Variants in RIC1 observed in about 807,000 individuals in gnomAD.
RIC1 encodes RIC1 partner of RAB6A GEF complex.
A neutral mutation model predicts 169.0 loss-of-function variants in RIC1; 88 were observed. The observed-to-expected ratio is 0.52, with a 90% CI of 0.44 to 0.62. The LOEUF (loss-of-function observed/expected upper bound fraction) is 0.62, where lower values mean the gene tolerates loss of function less well. Among genes scored for constraint, RIC1 ranks in the 20% least tolerant of loss-of-function variants. The probability of loss-of-function intolerance (pLI) is 0.00; values close to 1 mark genes in which losing one functional copy is unlikely to be tolerated. For missense variants in RIC1, 1,877 were observed against 1,725.5 expected (o/e 1.09, Z -1.56); for synonymous variants, 790 against 601.5 (o/e 1.31, Z -4.59).
chr9:5,749,382 A>C (rs1433754502), intron 12 of RIC1, among the ~76,000 whole-genome samples: 1 of 152,170 alleles, frequency 6.6e-6, no homozygotes, highest in African/African-American at 2.4e-5. Context: ...ATATAATGCT[A>C]AACTTTTACG....
chr9:5,687,914 G>GT (rs1036631310), intron 2 of RIC1, among the ~76,000 whole-genome samples: 33 of 151,536 alleles, frequency 2.2e-4, no homozygotes, highest in Middle Eastern at 3.4e-3. Context: ...TTTATTTTGG[G>GT]TTTTTTTGTG....
rs1347451465 is a variant in RIC1 at position 5,655,176 on chromosome 9, G to A, written c.145-1407G>A. The stretch of plus-strand genomic sequence containing the variant: ...CCTTGTTCCTGATCTTAGCAGGAAA[G>A]CGTTGAGCTGTAGGTTTCTCATAGA... On this transcript the variant is annotated intron_variant, in intron 1 of 25. Transcript: ENST00000414202. Among the ~76,000 whole-genome samples the A allele has an allele frequency of 4.7e-4, 72 of 152,312 alleles. 1 individual carries two copies. Among genetic ancestry groups the A allele is most frequent in the Admixed American group, 4.6e-3 (71 of 15,304 alleles).
chr9:5,759,490 TAA>T (rs770944241), intron 17 of RIC1, among the ~76,000 whole-genome samples: 15 of 152,188 alleles, frequency 9.9e-5, no homozygotes, highest in Admixed American at 2.0e-4. Flanking sequence ...ATGCAGTGGT[TAA>T]AAGTCATTTG....
In RIC1 at chr9:5,776,437, C is replaced by G. The variant is rs1827590990; in HGVS notation, c.*2191C>G. The G allele has an allele frequency of 6.6e-6, 1 of 151,594 alleles. No homozygotes were observed. The highest frequency in any genetic ancestry group is 1.5e-5 in the Non-Finnish European group (1 of 67,874). 9.4% of individuals were successfully genotyped at this position (151,594 alleles called of 1,614,324 possible). On this transcript the variant is annotated 3_prime_UTR_variant, in exon 26 of 26. Coordinates refer to ENST00000414202, the MANE Select transcript of RIC1 (RefSeq NM_020829.4). Reference sequence around the variant, plus strand: ...TTATTAATAAATTATTTGCTGAAACCAAAACAAGTCATTGGGGGTGTGGGA... The same window carrying G: ...TTATTAATAAATTATTTGCTGAAACGAAAACAAGTCATTGGGGGTGTGGGA...
chr9:5,648,144 G>T (rs559068305), intron 1 of RIC1, among the ~76,000 whole-genome samples: 4 of 152,000 alleles, frequency 2.6e-5, no homozygotes, highest in African/African-American at 9.7e-5. Context: ...CACCATACCC[G>T]ACTAATTTCT....
intron 1 of RIC1, among the ~76,000 whole-genome samples, chr9:5,648,034 G>A (rs1818617838): frequency 6.6e-6 from 1 of 151,866 alleles, no homozygotes; most frequent in Non-Finnish European, 1.5e-5. Context: ...CCAGGCCGGA[G>A]TGCAATGGTG....
chr9:5,703,359 A>G (rs1822354842), intron 3 of RIC1, among the ~76,000 whole-genome samples: 1 of 152,214 alleles, frequency 6.6e-6, no homozygotes, highest in Admixed American at 6.5e-5. Context: ...CTTTGACTCC[A>G]TGTCTCACAT....
intron 3 of RIC1, among the ~76,000 whole-genome samples, chr9:5,692,919 A>C (rs1821670091): frequency 6.6e-6 from 1 of 152,090 alleles, no homozygotes. Context: ...TGTTTTACAA[A>C]CTGCTGCACA....
Position 5,774,229 on chromosome 9 carries a change from G to C in RIC1, c.4255G>C (p.Asp1419His). The C allele has an allele frequency of 6.2e-7, 1 of 1,609,752 alleles. No homozygotes were observed. Among genetic ancestry groups the C allele is most frequent in the Non-Finnish European group, 8.5e-7 (1 of 1,177,768 alleles). Residue 1419 changes from aspartate to histidine, a missense_variant, in exon 26 of 26, where the codon GAC (aspartate) becomes CAC (histidine). Asp to His is a moderately conservative substitution (Grantham distance 81, BLOSUM62 -1). Around this residue, in one of 3 missense-constraint regions of RIC1, gnomAD observed 681 missense variants for 582.0 expected, o/e 1.17. Coordinates refer to ENST00000414202, the MANE Select transcript of RIC1 (RefSeq NM_020829.4). ...EEEPFQDGTY[D>H]CSVS is the part of the protein sequence containing the mutation. ...AGAACCTTTTCAGGATGGGACTTAC[G>C]ACTGTTCTGTGTCCTAACAGTGAGG...
chr9:5,774,095 C>G lies in RIC1; in HGVS notation c.4121C>G (p.Ala1374Gly), dbSNP rs1438836479. 6 of 1,613,966 alleles carry G rather than the reference C, an allele frequency of 3.7e-6. No individual in the cohort carries two copies. The African/African-American group carries it at 6.7e-5, about 18-fold the overall frequency. Residue 1374 changes from alanine to glycine, a missense_variant, in exon 26 of 26, where the codon GCA becomes GGA. Coordinates refer to ENST00000414202, the MANE Select transcript of RIC1 (RefSeq NM_020829.4). ...GKTPEQTSPR[A>G]EESRGSSSHG... is the part of the protein sequence containing the mutation. ...ACTCCAGAACAGACTAGCCCCCGGG[C>G]AGAGGAGAGCAGGGGCTCCTCCAGC...
chr9:5,665,982 G>GC (rs1046602709), intron 2 of RIC1, among the ~76,000 whole-genome samples: 18 of 152,146 alleles, frequency 1.2e-4, no homozygotes, highest in African/African-American at 3.9e-4. Context: ...GATTCCTTCA[G>GC]CCCCCCAATT....
At chr9:5,709,369 C>CT (rs1234260993) in intron 3 of RIC1, among the ~76,000 whole-genome samples, 1 of 152,142 alleles carries the variant, frequency 6.6e-6, no homozygotes, top group Non-Finnish European at 1.5e-5. Context: ...CTCTTTAACT[C>CT]TAATTTTCAG....
chr9:5,650,687 G>A (rs1220470798), intron 1 of RIC1, among the ~76,000 whole-genome samples: 2 of 152,076 alleles, frequency 1.3e-5, no homozygotes, highest in Admixed American at 1.3e-4. Context: ...TGGGGTTACT[G>A]TCAGTGGCAG....
rs190734420 is a variant in RIC1 at position 5,749,939 on chromosome 9, C to T, written c.1452+2434C>T. Reference sequence around the variant, plus strand: ...GATTACAGGCACCTGCCACCATGCCCGGCTAATTTTTGTATTTTTAGTAGA... The same window carrying T: ...GATTACAGGCACCTGCCACCATGCCTGGCTAATTTTTGTATTTTTAGTAGA... On this transcript the variant is annotated intron_variant, in intron 12 of 25. Coordinates refer to ENST00000414202, the MANE Select transcript of RIC1 (RefSeq NM_020829.4). Among the ~76,000 whole-genome samples the T allele has an allele frequency of 6.1e-3, 920 of 151,524 alleles. 23 individuals carry two copies. The highest frequency in any genetic ancestry group is 0.044 in the Admixed American group (667 of 15,210).
intron 8 of RIC1, among the ~76,000 whole-genome samples, chr9:5,742,034 G>C (rs1052232973): frequency 3.9e-5 from 6 of 152,188 alleles, no homozygotes; most frequent in African/African-American, 1.4e-4. Context: ...TTACAAATCA[G>C]AGTGAGGGTT....
At chr9:5,687,924 G>T (rs1484273805) in intron 2 of RIC1, among the ~76,000 whole-genome samples, 12 of 151,636 alleles carry the variant, frequency 7.9e-5, no homozygotes, top group Admixed American at 6.6e-5. Flanking sequence ...GTTTTTTTGT[G>T]TGTGTGTGTG....
At chr9:5,714,362 C>T (rs1415081688) in intron 4 of RIC1, among the ~76,000 whole-genome samples, 1 of 152,096 alleles carries the variant, frequency 6.6e-6, no homozygotes, top group Non-Finnish European at 1.5e-5. Context: ...TTGCCATAAG[C>T]TTCTGGGAAG....
chr9:5,666,575 C>G (rs1384790161), intron 2 of RIC1, among the ~76,000 whole-genome samples: 1 of 152,074 alleles, frequency 6.6e-6, no homozygotes, highest in Non-Finnish European at 1.5e-5. Flanking sequence ...TTCTTAGTTT[C>G]TGGCATGCTT....
chr9:5,731,270 G>T (rs1362033770), intron 6 of RIC1, among the ~76,000 whole-genome samples: 1 of 152,000 alleles, frequency 6.6e-6, no homozygotes, highest in Admixed American at 6.6e-5. Context: ...CTTATTGTAG[G>T]ACTGAATTTC....
Sources: gnomAD v4.1 joint callset for allele counts (sites outside exome capture counted in the v4.1 genomes callset) on GRCh38, gnomAD v4.1.1 for gene constraint, gnomAD v4.1.1 regional missense constraint, MANE v1.5 for transcripts, NCBI Gene and HGNC (gene_info 2026-07-23, HGNC 2026-07-21) for gene names.